The following KCTD19 variants were observed in gnomAD, a reference collection of about 807,000 sequenced individuals.
KCTD19 encodes potassium channel tetramerization domain containing 19.
A neutral mutation model predicts 103.5 loss-of-function variants in KCTD19; 67 were observed. The ratio of observed to expected loss-of-function variants is 0.65; its 90% CI spans 0.53 to 0.79. KCTD19 has a LOEUF of 0.79. KCTD19 is among the 30% of genes least tolerant of loss of function. The pLI is 0.00. For synonymous variants in KCTD19, 439 were observed against 452.2 expected (o/e 0.97, Z 0.37); for missense variants, 980 against 1,136.1 (o/e 0.86, Z 1.98).
At chr16:67,301,524 G>A in intron 5 of KCTD19, 1 of 304,028 alleles carries the variant, frequency 3.3e-6, no homozygotes, top group Non-Finnish European at 6.1e-6. Context: ...ACCCAGGCTG[G>A]GCTCCTCCTG....
At chr16:67,306,522 G>A (rs2036895335) in intron 2 of KCTD19, among the ~76,000 whole-genome samples, 1 of 152,086 alleles carries the variant, frequency 6.6e-6, no homozygotes, top group Non-Finnish European at 1.5e-5. Context: ...AGCCTCGGCT[G>A]GTGCTGGGAT....
rs1389170333 is a variant in KCTD19, at chr16:67,304,428, G to A, written c.444C>T (p.Ala148=). 6.2e-7 allele frequency: 1 copy of A among 1,613,944 alleles called. No individual in the cohort carries two copies. The highest frequency in any genetic ancestry group is 2.2e-5 in the East Asian group (1 of 44,886). Residue 148 remains alanine (A), a synonymous_variant, in exon 3 of 16, where the codon GCC becomes GCT. Coordinates refer to ENST00000304372, the MANE Select transcript of KCTD19 (RefSeq NM_001100915.3). ...KPSEFPIKSP[A]FTGLHDKAPL... ...CAGCCTATCCCAATTCACCTGTAAA[G>A]GCTGGGCTTTTAATTGGAAATTCTG... is the stretch of plus-strand genomic sequence containing the variant.
intron 6 of KCTD19, among the ~76,000 whole-genome samples, chr16:67,298,312 G>A (rs1484766803): frequency 6.6e-6 from 1 of 152,076 alleles, no homozygotes; most frequent in African/African-American, 2.4e-5. Flanking sequence ...GTTTTAACTG[G>A]AAATCTGTTT....
At position 67,303,130 on chromosome 16, in the gene KCTD19, C is replaced by G; in HGVS notation, c.643+16G>C. On this transcript the variant is annotated intron_variant, in intron 4 of 15. Coordinates refer to ENST00000304372, the MANE Select transcript of KCTD19 (RefSeq NM_001100915.3). This position sits in a 1 kb window ranked among gnomAD's most constrained non-coding sequence, Gnocchi z 4.3. ...TATCAGCCCGCCCCCCACCCCACCC[C>G]GGACAGAGCAATCACCAATGAAGCG... The G allele has an allele frequency of 1.5e-6, 1 of 687,892 alleles. No individual in the cohort carries two copies. Among genetic ancestry groups the G allele is most frequent in the Non-Finnish European group, 2.5e-6 (1 of 407,152 alleles). 42.6% of individuals were successfully genotyped at this position (687,892 alleles called of 1,614,324 possible). A position where few individuals can be genotyped will look rare whatever the true frequency, so the allele number is the denominator to read the frequency against.
At position 67,304,439 on chromosome 16, in the gene KCTD19, TA is replaced by T. The variant is rs964797129; in HGVS notation, c.432del (p.Ser146AlafsTer21). 1 of 1,613,916 alleles carries T rather than the reference TA, an allele frequency of 6.2e-7. No homozygotes were observed. Among genetic ancestry groups the T allele is most frequent in the Admixed American group, 1.7e-5 (1 of 60,002 alleles). On this transcript the variant is annotated frameshift_variant, in exon 3 of 16. Transcript: ENST00000304372. LOFTEE classifies it high-confidence loss of function. ...AATTCACCTGTAAAGGCTGGGCTTT[TA>T]ATTGGAAATTCTGAGGGTTTGCTAA... Reference protein sequence around the residue: ...KCISKPSEFPIKSPAFTGLHD... With the variant: ...KCISKPSEFPXKSPAFTGLHD...
At position 67,303,108 on chromosome 16, in the gene KCTD19, C is replaced by CGGGGCGGG; in HGVS notation, c.643+37_643+38insCCCGCCCC. On this transcript the variant is annotated intron_variant, in intron 4 of 15. Transcript: ENST00000304372. This position sits in a 1 kb window ranked among gnomAD's most constrained non-coding sequence, Gnocchi z 4.3. ...ATGGGGAGGGGTGAATGGGCCCTAT[C>CGGGGCGGG]AGCCCGCCCCCCACCCCACCCCGGA... 2.5e-6 allele frequency: 2 copies of CGGGGCGGG among 798,078 alleles called. No homozygotes were observed. The highest frequency in any genetic ancestry group is 4.2e-6 in the Non-Finnish European group (2 of 476,660). 49.4% of individuals were successfully genotyped at this position (798,078 alleles called of 1,614,324 possible).
At chr16:67,294,550 T>C (rs3868143) in intron 11 of KCTD19, 30 bp downstream of exon 11, 160,127 of 1,494,894 alleles carry the variant, frequency 0.11, 18,837 homozygotes, top group African/African-American at 0.59. Context: ...TTTTTGAGGA[T>C]AACACCAACC....
intron 14 of KCTD19, 65 bp from the exon 15 acceptor site, chr16:67,291,051 G>T: frequency 1.3e-6 from 2 of 1,531,740 alleles, no homozygotes. Flanking sequence ...GTGAGATGCA[G>T]AGCGGGGACT....
At chr16:67,317,306 C>T (rs2037023210) in intron 2 of KCTD19, among the ~76,000 whole-genome samples, 2 of 151,878 alleles carry the variant, frequency 1.3e-5, no homozygotes, top group Non-Finnish European at 2.9e-5. Flanking sequence ...TAACAAAACC[C>T]CATCTCCACT....
At chr16:67,304,369 G>A (rs2036868750) in intron 3 of KCTD19, 52 bp downstream of exon 3, 1 of 1,582,960 alleles carries the variant, frequency 6.3e-7, no homozygotes, top group South Asian at 1.1e-5. Context: ...TTAGGGTGAG[G>A]AGAGGGAAAG....
In KCTD19 at chr16:67,304,514, G is replaced by A; in HGVS notation, c.358C>T (p.Pro120Ser). 1.9e-6 allele frequency: 3 copies of A among 1,613,988 alleles called. No homozygotes were observed. The highest frequency in any genetic ancestry group is 2.5e-6 in the Non-Finnish European group (3 of 1,179,870). The change falls in exon 3 of 16, where the codon CCT (proline) becomes TCT (serine). Residue 120 changes from proline to serine, a missense_variant. By Grantham distance (74) the Pro-to-Ser change is moderately conservative. Coordinates refer to ENST00000304372, the MANE Select transcript of KCTD19 (RefSeq NM_001100915.3). ...HHLRVRPADLPVAERASLNYW... is the reference protein window; with the variant it reads ...HHLRVRPADLSVAERASLNYW... The stretch of plus-strand genomic sequence containing the variant: ...TTCAGAGATGCTCTCTCAGCAACAG[G>A]TAGGTCTGCAGGCCGTACGCGTAGA...
chr16:67,291,191 C>T (rs2036687790), intron 14 of KCTD19, 118 bp downstream of exon 14: 2 of 1,314,402 alleles, frequency 1.5e-6, no homozygotes, highest in Admixed American at 4.5e-5. Flanking sequence ...CTGGCCCTGG[C>T]CTTCTCCTTA....
intron 2 of KCTD19, among the ~76,000 whole-genome samples, chr16:67,309,356 CAATG>C (rs1486003460): frequency 6.6e-6 from 1 of 152,018 alleles, no homozygotes; most frequent in Non-Finnish European, 1.5e-5. Context: ...GTTCAGAGGA[CAATG>C]AAGACAGGGA....
chr16:67,296,049 C>G lies in KCTD19; in HGVS notation c.1248+110G>C, dbSNP rs1004135931. On this transcript the variant is annotated intron_variant, in intron 8 of 15. Transcript: ENST00000304372. Reference sequence around the variant, plus strand: ...TGAGCCACCGTGCCTGGCGGGAAAGCCTTTGTTCTAAGCAAGTGCTGGAAG... The same window carrying G: ...TGAGCCACCGTGCCTGGCGGGAAAGGCTTTGTTCTAAGCAAGTGCTGGAAG... 4.6e-5 allele frequency: 34 copies of G among 739,602 alleles called. No homozygotes were observed. In the East Asian group the frequency reaches 7.5e-4, roughly 16 times the overall value. 45.8% of individuals were successfully genotyped at this position (739,602 alleles called of 1,614,324 possible).
intron 2 of KCTD19, 121 bp from the exon 3 acceptor site, chr16:67,304,692 C>T: frequency 1.2e-6 from 1 of 843,788 alleles, no homozygotes; most frequent in Middle Eastern, 3.7e-4. Context: ...GAGACAGAGT[C>T]TCGTTTTGTT....
intron 1 of KCTD19, among the ~76,000 whole-genome samples, chr16:67,321,152 C>G (rs2037068986): frequency 1.3e-5 from 2 of 152,074 alleles, no homozygotes; most frequent in Admixed American, 1.3e-4. Flanking sequence ...GATTGTGCCA[C>G]TGTACTCTGG....
At position 67,297,522 on chromosome 16, in the gene KCTD19, C is replaced by T; in HGVS notation, c.1128G>A (p.Leu376=). ...ACTTACTGAGCACATCCATGGGTGCCAAAGTCCTTGGCTCCAGATGAGTCT... is the reference window on the plus strand; with the variant it reads ...ACTTACTGAGCACATCCATGGGTGCTAAAGTCCTTGGCTCCAGATGAGTCT... ...ALKTHLEPRT[L]APMDVLNEWT... Residue 376 remains leucine, a synonymous_variant, in exon 7 of 16, where the codon TTG becomes TTA. Transcript: ENST00000304372. The T allele has an allele frequency of 6.2e-7, 1 of 1,614,072 alleles. No individual in the cohort carries two copies. Among genetic ancestry groups the T allele is most frequent in the Non-Finnish European group, 8.5e-7 (1 of 1,180,008 alleles).
intron 2 of KCTD19, among the ~76,000 whole-genome samples, chr16:67,309,349 C>T (rs2036927346): frequency 6.6e-6 from 1 of 152,064 alleles, no homozygotes; most frequent in South Asian, 2.1e-4. Context: ...CTATGGAGTT[C>T]AGAGGACAAT....
intron 15 of KCTD19, among the ~76,000 whole-genome samples, 172 bp downstream of exon 15, chr16:67,290,713 C>T (rs758119905): frequency 1.3e-5 from 2 of 152,218 alleles, no homozygotes; most frequent in African/African-American, 4.8e-5. Flanking sequence ...TGCTTTTGGA[C>T]TACTCTGGAT....
Sources: allele counts gnomAD v4.1 joint callset (sites outside exome capture counted in the v4.1 genomes callset), GRCh38; gene constraint gnomAD v4.1.1; non-coding constraint Gnocchi (gnomAD v3.1); transcripts MANE v1.5; gene names NCBI Gene and HGNC (gene_info 2026-07-23, HGNC 2026-07-21).